Variants in ANGPT2 observed in about 807,000 individuals in gnomAD.
The protein encoded by ANGPT2 is angiopoietin-2.
A neutral mutation model predicts 62.9 loss-of-function variants in ANGPT2; 28 were observed. The observed-to-expected ratio is 0.44, with a 90% confidence interval of 0.33 to 0.61. The LOEUF (loss-of-function observed/expected upper bound fraction) is 0.61. Among genes scored for constraint, ANGPT2 ranks in the 20% least tolerant of loss-of-function variants. ANGPT2 has a pLI of 0.03. For missense variants in ANGPT2, 727 were observed against 594.9 expected, an observed-to-expected ratio of 1.22 and a Z score of -2.31; for synonymous variants, 284 against 207.8, an observed-to-expected ratio of 1.37 and a Z score of -3.15.
intron 1 of ANGPT2, among the ~76,000 whole-genome samples, chr8:6,559,313 C>G (rs760258002): frequency 1.2e-4 from 18 of 151,986 alleles, no homozygotes; most frequent in African/African-American, 4.1e-4. Context: ...CCCCTGGGAG[C>G]CCCTCACCAT....
At chr8:6,512,010 T>C (rs551411095) in intron 7 of ANGPT2, among the ~76,000 whole-genome samples, 6 of 152,120 alleles carry the variant, frequency 3.9e-5, no homozygotes, top group African/African-American at 1.2e-4. Context: ...TCAAAATTCA[T>C]TGAAGTTTTG....
intron 8 of ANGPT2, among the ~76,000 whole-genome samples, chr8:6,504,021 A>G (rs1812728031): frequency 6.6e-6 from 1 of 152,170 alleles, no homozygotes. Context: ...AAATCTAGAA[A>G]TATTCTATAA....
chr8:6,539,141 G>A (rs1304847925), intron 1 of ANGPT2, among the ~76,000 whole-genome samples: 2 of 152,228 alleles, frequency 1.3e-5, no homozygotes, highest in African/African-American at 2.4e-5. Flanking sequence ...GCTGGGAGAT[G>A]CGGATTTTGG....
intron 2 of ANGPT2, among the ~76,000 whole-genome samples, chr8:6,529,621 T>TG (rs1819065775): frequency 7.3e-6 from 1 of 136,372 alleles, no homozygotes; most frequent in Non-Finnish European, 1.6e-5. Context: ...CACGCCTGGC[T>TG]AATTTTTTTT....
chr8:6,547,188 C>G (rs1822755444), intron 1 of ANGPT2, among the ~76,000 whole-genome samples: 1 of 151,910 alleles, frequency 6.6e-6, no homozygotes, highest in South Asian at 2.1e-4. Flanking sequence ...CTAAGGTGAA[C>G]TAGTTTTATA....
At chr8:6,516,084 C>T (rs1318026973) in intron 5 of ANGPT2, among the ~76,000 whole-genome samples, 1 of 152,166 alleles carries the variant, frequency 6.6e-6, no homozygotes, top group East Asian at 1.9e-4. Flanking sequence ...TTGCCTTCCC[C>T]AGTGGCACTC....
At chr8:6,533,357 C>T (rs183976988) in intron 1 of ANGPT2, among the ~76,000 whole-genome samples, 257 of 152,264 alleles carry the variant, frequency 1.7e-3, no homozygotes, top group Non-Finnish European at 2.9e-3. Flanking sequence ...CAACTGAGTA[C>T]GTGGGAAGAG....
At chr8:6,534,403 G>T (rs1333652086) in intron 1 of ANGPT2, among the ~76,000 whole-genome samples, 1 of 152,082 alleles carries the variant, frequency 6.6e-6, no homozygotes, top group Non-Finnish European at 1.5e-5. Context: ...GTGGATTTTG[G>T]TATTCTCGGG....
At position 6,500,941 on chromosome 8, in the gene ANGPT2, A is replaced by G. The variant is rs1038681505; in HGVS notation, c.*2160T>C. On this transcript the variant is annotated 3_prime_UTR_variant, in exon 9 of 9. Coordinates refer to ENST00000629816, the MANE Select transcript of ANGPT2 (RefSeq NM_001118887.2). ...GTTTTTCCTGCATTAGCGTTTCCCT[A>G]CCTAAGTATCCATCACTCTTGTCAT... The G allele has an allele frequency of 1.3e-5, 2 of 152,172 alleles. No homozygotes were observed. Among genetic ancestry groups the G allele is most frequent in the African/African-American group, 4.8e-5 (2 of 41,432 alleles). 9.4% of individuals were successfully genotyped at this position (152,172 alleles called of 1,614,324 possible).
chr8:6,525,119 C>T (rs1438650341), intron 3 of ANGPT2, among the ~76,000 whole-genome samples: 1 of 152,226 alleles, frequency 6.6e-6, no homozygotes, highest in Non-Finnish European at 1.5e-5. Context: ...CTCTTTAACC[C>T]TGCAAACAAT....
At chr8:6,528,056 C>T (rs71525733) in intron 2 of ANGPT2, among the ~76,000 whole-genome samples, 36,615 of 148,228 alleles carry the variant, frequency 0.25, 5,414 homozygotes, top group Middle Eastern at 0.41. Context: ...CCACCATACC[C>T]AGCTAATTTT....
At chr8:6,535,388 C>A (rs564901043) in intron 1 of ANGPT2, among the ~76,000 whole-genome samples, 1 of 152,196 alleles carries the variant, frequency 6.6e-6, no homozygotes, top group South Asian at 2.1e-4. Flanking sequence ...AATAAAATTT[C>A]TTAACCTGCC....
intron 8 of ANGPT2, among the ~76,000 whole-genome samples, chr8:6,505,627 A>T (rs11786210): frequency 8.9e-6 from 1 of 112,780 alleles, no homozygotes; most frequent in African/African-American, 3.0e-5. Flanking sequence ...ATATTTATAT[A>T]TGAATGTATA....
At chr8:6,503,828 G>A (rs1472767522) in intron 8 of ANGPT2, among the ~76,000 whole-genome samples, 1 of 152,214 alleles carries the variant, frequency 6.6e-6, no homozygotes, top group Non-Finnish European at 1.5e-5. Context: ...CAGGAGAGGT[G>A]TCCAGCACAG....
At chr8:6,504,447 A>C (rs1812865668) in intron 8 of ANGPT2, among the ~76,000 whole-genome samples, 2 of 152,082 alleles carry the variant, frequency 1.3e-5, no homozygotes, top group South Asian at 4.1e-4. Context: ...CAGTGGATCC[A>C]CGCTGTCTAC....
chr8:6,542,905 T>C (rs73507154), intron 1 of ANGPT2, among the ~76,000 whole-genome samples: 2,334 of 152,340 alleles, frequency 0.015, 66 homozygotes, highest in African/African-American at 0.052. Context: ...TAAATTTAGA[T>C]AATTTTCTAG....
At chr8:6,526,479 T>C (rs759767861) in intron 3 of ANGPT2, among the ~76,000 whole-genome samples, 19 of 151,996 alleles carry the variant, frequency 1.3e-4, no homozygotes, top group Admixed American at 6.6e-4. Flanking sequence ...AGGATTGTTA[T>C]ATCTCAATGA....
At chr8:6,543,322 A>G (rs1821944507) in intron 1 of ANGPT2, among the ~76,000 whole-genome samples, 1 of 152,202 alleles carries the variant, frequency 6.6e-6, no homozygotes, top group Non-Finnish European at 1.5e-5. Flanking sequence ...TTGTACAGTT[A>G]CTTTCTCAGT....
chr8:6,532,920 A>C (rs1819801763), intron 1 of ANGPT2, among the ~76,000 whole-genome samples: 1 of 152,206 alleles, frequency 6.6e-6, no homozygotes, highest in Non-Finnish European at 1.5e-5. Context: ...CTCACATTCT[A>C]GACTTTTGGT....
Sources: allele counts gnomAD v4.1 joint callset (sites outside exome capture counted in the v4.1 genomes callset), GRCh38; gene constraint gnomAD v4.1.1; transcripts MANE v1.5; gene names NCBI Gene and HGNC (gene_info 2026-07-23, HGNC 2026-07-21).